The following NRG1 variants were observed in gnomAD, a reference collection of about 807,000 sequenced individuals.
The protein encoded by NRG1 is pro-neuregulin-1, membrane-bound isoform.
A neutral mutation model predicts 63.8 loss-of-function variants in NRG1; 18 were observed. The observed-to-expected ratio is 0.28, with a 90% CI of 0.19 to 0.42. The LOEUF (loss-of-function observed/expected upper bound fraction) is 0.42. NRG1 is among the 10% of genes least tolerant of loss of function. NRG1 has a pLI of 1.00. For synonymous variants in NRG1, 302 were observed against 301.3 expected (o/e 1.00, Z -0.02); for missense variants, 762 against 814.7 (o/e 0.94, Z 0.79).
chr8:31,924,971 T>C (rs892499747), intron 1 of NRG1, among the ~76,000 whole-genome samples: 1 of 151,578 alleles, frequency 6.6e-6, no homozygotes, highest in African/African-American at 2.4e-5. Flanking sequence ...ATATGGATTG[T>C]ATGATTTTGG....
chr8:32,402,226 A>G (rs1366725566), intron 1 of NRG1, among the ~76,000 whole-genome samples: 3 of 151,996 alleles, frequency 2.0e-5, no homozygotes, highest in Admixed American at 1.3e-4. Flanking sequence ...AAGTTTTTTT[A>G]AAAAGAGAAA....
Position 31,760,262 on chromosome 8 carries a change from A to C in NRG1, c.37+120831A>C, listed in dbSNP as rs189153479. On this transcript the variant is annotated intron_variant, in intron 1 of 10. Coordinates refer to the NRG1 transcript ENST00000519301. ...GGAAGGGATCCAGTTTCAGCTTTCT[A>C]CATATGGCTAGCCAGTTTTCCCAGC... 5.2e-3 allele frequency among the ~76,000 whole-genome samples: 790 copies of C among 152,240 alleles called. 7 individuals are homozygous for C. The highest frequency in any genetic ancestry group is 0.018 in the African/African-American group (755 of 41,556).
intron 1 of NRG1, among the ~76,000 whole-genome samples, chr8:32,103,262 A>G (rs1830804479): frequency 6.6e-6 from 1 of 152,122 alleles, no homozygotes; most frequent in Non-Finnish European, 1.5e-5. Context: ...TTTTACATTC[A>G]GTAAATGAGT....
At chr8:32,600,325 GACACACACACACAC>G (rs5890665) in intron 2 of NRG1, among the ~76,000 whole-genome samples, 1 of 149,572 alleles carries the variant, frequency 6.7e-6, no homozygotes, top group Middle Eastern at 3.4e-3. Flanking sequence ...AGCAGTGTTG[GACACACACACACAC>G]ACACACACAC....
At chr8:32,057,317 A>G (rs867370643) in intron 1 of NRG1, among the ~76,000 whole-genome samples, 28 of 152,090 alleles carry the variant, frequency 1.8e-4, no homozygotes, top group African/African-American at 6.3e-4. Flanking sequence ...TTCTTTTCCC[A>G]TTTATTTATT....
chr8:31,851,739 C>A (rs1827245898), intron 1 of NRG1, among the ~76,000 whole-genome samples: 1 of 144,660 alleles, frequency 6.9e-6, no homozygotes, highest in Non-Finnish European at 1.5e-5. Context: ...GGTATATCTC[C>A]CAATGCCATC....
At chr8:31,646,650 C>A (rs75733436) in intron 1 of NRG1, among the ~76,000 whole-genome samples, 2,559 of 152,184 alleles carry the variant, frequency 0.017, 77 homozygotes, top group African/African-American at 0.059. Context: ...ATTTTTTTGG[C>A]CTCTTTGATA....
In NRG1 at chr8:32,742,848, A is replaced by G. The variant is rs1826675277; in HGVS notation, c.691+115A>G. ...CCTAGAGCTAGATGTGTCTTACCAG[A>G]TCTAATATTGACTGCCTCTGCCTGT... On this transcript the variant is annotated intron_variant, in intron 7 of 11. Coordinates refer to ENST00000356819, the Ensembl canonical transcript of NRG1. This position sits in a 1 kb window ranked among gnomAD's most constrained non-coding sequence, Gnocchi z 4.2. The G allele has an allele frequency of 6.3e-7, 1 of 1,595,912 alleles. No homozygotes were observed.
At chr8:32,040,684 T>G (rs1819810889) in intron 1 of NRG1, among the ~76,000 whole-genome samples, 1 of 139,636 alleles carries the variant, frequency 7.2e-6, no homozygotes, top group African/African-American at 2.7e-5. Context: ...CACACACACA[T>G]ATATAAATTT....
intron 1 of NRG1, among the ~76,000 whole-genome samples, chr8:31,744,477 G>A (rs528346363): frequency 6.6e-6 from 1 of 152,082 alleles, no homozygotes; most frequent in Admixed American, 6.6e-5. Flanking sequence ...CACCATGGCA[G>A]AGCCCTACCC....
At chr8:32,482,102 G>A (rs1055161909) in intron 1 of NRG1, among the ~76,000 whole-genome samples, 2 of 152,104 alleles carry the variant, frequency 1.3e-5, no homozygotes, top group African/African-American at 2.4e-5. Context: ...GAACAGAACC[G>A]TGAACAGAAT....
chr8:32,239,291 T>C (rs1384091843), intron 1 of NRG1, among the ~76,000 whole-genome samples: 1 of 144,368 alleles, frequency 6.9e-6, no homozygotes, highest in Non-Finnish European at 1.5e-5. Flanking sequence ...AAAAAAAAAG[T>C]GATACTGGAG....
At chr8:31,709,571 A>T (rs1200082498) in intron 1 of NRG1, among the ~76,000 whole-genome samples, 2 of 152,024 alleles carry the variant, frequency 1.3e-5, no homozygotes, top group African/African-American at 2.4e-5. Flanking sequence ...TTCCTAGAAA[A>T]CTTCCAAGGC....
At chr8:31,799,712 G>A (rs1821570554) in intron 1 of NRG1, among the ~76,000 whole-genome samples, 1 of 151,732 alleles carries the variant, frequency 6.6e-6, no homozygotes, top group Admixed American at 6.6e-5. Flanking sequence ...TGAGTTGCCT[G>A]TTTTTTTGTG....
At chr8:32,257,726 A>C (rs532700682) in intron 1 of NRG1, among the ~76,000 whole-genome samples, 1 of 152,164 alleles carries the variant, frequency 6.6e-6, no homozygotes, top group South Asian at 2.1e-4. Flanking sequence ...CTATAACTTC[A>C]TAAAAGGGGC....
intron 1 of NRG1, among the ~76,000 whole-genome samples, chr8:32,263,470 C>A (rs555920112): frequency 1.5e-3 from 235 of 152,154 alleles, no homozygotes; most frequent in African/African-American, 5.5e-3. Context: ...ACAGTGAGAG[C>A]CCCCCATCCT....
At chr8:32,471,159 C>T (rs1823799254) in intron 1 of NRG1, among the ~76,000 whole-genome samples, 1 of 152,070 alleles carries the variant, frequency 6.6e-6, no homozygotes, top group African/African-American at 2.4e-5. Context: ...TTCACTTGTC[C>T]CATTTCTAAT....
chr8:32,669,282 T>C (rs1342459140), intron 5 of NRG1, among the ~76,000 whole-genome samples: 3 of 152,196 alleles, frequency 2.0e-5, no homozygotes, highest in African/African-American at 7.2e-5. Context: ...CCCATTGATA[T>C]TGATTTGGAC....
intron 1 of NRG1, among the ~76,000 whole-genome samples, chr8:31,844,117 T>G (rs756875723): frequency 3.3e-5 from 5 of 152,342 alleles, no homozygotes; most frequent in Non-Finnish European, 7.3e-5. Context: ...AGTTCATTGT[T>G]ACAGAGTTGG....
Sources: gnomAD v4.1 joint callset for allele counts (sites outside exome capture counted in the v4.1 genomes callset) on GRCh38, gnomAD v4.1.1 for gene constraint, Gnocchi (gnomAD v3.1) non-coding constraint, MANE v1.5 for transcripts, NCBI Gene and HGNC (gene_info 2026-07-23, HGNC 2026-07-21) for gene names.